CSMD1: variants seen among roughly 807,000 people sequenced by gnomAD.
CSMD1 encodes CUB and Sushi multiple domains 1.
A neutral mutation model predicts 417.5 loss-of-function variants in CSMD1; 213 were observed. The ratio of observed to expected loss-of-function variants is 0.51; its 90% CI spans 0.46 to 0.57. CSMD1 has a LOEUF of 0.57. Among genes scored for constraint, CSMD1 ranks in the 20% least tolerant of loss-of-function variants. The pLI is 0.00. For missense variants in CSMD1, 6,923 were observed against 4,529.7 expected, an observed-to-expected ratio of 1.53 and a Z score of -15.17; for synonymous variants, 2,862 against 1,736.8, an observed-to-expected ratio of 1.65 and a Z score of -16.11.
At chr8:4,937,704 C>G (rs10096103) in intron 1 of CSMD1, among the ~76,000 whole-genome samples, 2 of 151,822 alleles carry the variant, frequency 1.3e-5, no homozygotes, top group East Asian at 3.9e-4. Context: ...GGGGTATGAA[C>G]GATTTCTTGA....
chr8:4,368,573 T>C lies in CSMD1; in HGVS notation c.415+51380A>G, dbSNP rs117365010. 3.2e-3 allele frequency among the ~76,000 whole-genome samples: 481 copies of C among 152,276 alleles called. 24 individuals are homozygous for C. In the East Asian group the frequency reaches 0.08, roughly 25 times the overall value. ...TACTAGCTCTTTTTTGTACATCTGG[T>C]AAAATTCGGCTTTGAATACATTTGG... On this transcript the variant is annotated intron_variant, in intron 3 of 69. Coordinates refer to ENST00000635120, the MANE Select transcript of CSMD1 (RefSeq NM_033225.6).
chr8:4,510,244 C>T (rs1214116982), intron 2 of CSMD1, among the ~76,000 whole-genome samples: 1 of 151,886 alleles, frequency 6.6e-6, no homozygotes, highest in African/African-American at 2.4e-5. Context: ...TCAATTAAAC[C>T]TCTTTCCTTT....
chr8:3,780,327 G>A (rs1205573369), intron 5 of CSMD1, among the ~76,000 whole-genome samples: 1 of 152,194 alleles, frequency 6.6e-6, no homozygotes, highest in Non-Finnish European at 1.5e-5. Flanking sequence ...TGAAATAACA[G>A]TTGTTCGTTA....
intron 54 of CSMD1, among the ~76,000 whole-genome samples, chr8:2,988,300 C>T (rs1055104945): frequency 6.6e-5 from 10 of 152,030 alleles, no homozygotes; most frequent in African/African-American, 2.4e-4. Context: ...ATAAGCATAT[C>T]TGGACACATG....
intron 3 of CSMD1, among the ~76,000 whole-genome samples, chr8:4,079,330 C>A (rs1464971426): frequency 6.6e-6 from 1 of 152,096 alleles, no homozygotes; most frequent in Non-Finnish European, 1.5e-5. Flanking sequence ...TGTCTGCATC[C>A]CTTGGAACGA....
At chr8:4,355,583 G>A (rs191518912) in intron 3 of CSMD1, among the ~76,000 whole-genome samples, 29 of 152,242 alleles carry the variant, frequency 1.9e-4, no homozygotes, top group Admixed American at 3.3e-4. Context: ...CTTGGTGAGG[G>A]ACCAGAGTGT....
intron 5 of CSMD1, among the ~76,000 whole-genome samples, chr8:3,762,078 G>T (rs1374494356): frequency 6.6e-6 from 1 of 152,014 alleles, no homozygotes; most frequent in Non-Finnish European, 1.5e-5. Flanking sequence ...ATAATTTCTA[G>T]TCTCCTGAGC....
intron 37 of CSMD1, among the ~76,000 whole-genome samples, chr8:3,167,943 A>G (rs953579652): frequency 1.4e-4 from 22 of 152,216 alleles, no homozygotes; most frequent in Admixed American, 3.9e-4. Flanking sequence ...TCAAATACTT[A>G]AAACAGGACA....
At chr8:2,976,097 A>G (rs1417900383) in intron 55 of CSMD1, among the ~76,000 whole-genome samples, 1 of 152,204 alleles carries the variant, frequency 6.6e-6, no homozygotes, top group Non-Finnish European at 1.5e-5. Flanking sequence ...TTTGTTAAAT[A>G]AGGCTGAGAA....
Position 4,754,117 on chromosome 8 carries a change from C to G in CSMD1, c.86-116559G>C, listed in dbSNP as rs576310352. ...AATATGAATCGTATGTTACATTAAA[C>G]ATTTATTCTTGGTGGTAGCAATAAA... On this transcript the variant is annotated intron_variant, in intron 1 of 69. Transcript: ENST00000635120. Among the ~76,000 whole-genome samples the G allele has an allele frequency of 2.0e-5, 3 of 152,208 alleles. No homozygotes were observed. The South Asian group carries it at 6.2e-4, about 32-fold the overall frequency.
At chr8:4,182,374 T>C (rs1443492982) in intron 3 of CSMD1, among the ~76,000 whole-genome samples, 1 of 152,154 alleles carries the variant, frequency 6.6e-6, no homozygotes, top group African/African-American at 2.4e-5. Context: ...CCAAAGTATA[T>C]TATCTTTTAA....
chr8:2,972,339 C>T lies in CSMD1; in HGVS notation c.8923+778G>A, dbSNP rs546344483. ...TTATTTGGTTGGAAAGTGTTTCATA[C>T]ATACAACAATACATATTGAATTAAT... is the stretch of plus-strand genomic sequence containing the variant. On this transcript the variant is annotated intron_variant, in intron 57 of 69. Transcript: ENST00000635120. 2.6e-5 allele frequency among the ~76,000 whole-genome samples: 4 copies of T among 152,274 alleles called. No homozygotes were observed. In the East Asian group the frequency reaches 7.7e-4, roughly 29 times the overall value.
At chr8:3,888,558 A>G (rs1585144334) in intron 5 of CSMD1, among the ~76,000 whole-genome samples, 1 of 152,292 alleles carries the variant, frequency 6.6e-6, no homozygotes, top group Admixed American at 6.5e-5. Context: ...TGTATCAAGT[A>G]CCAGCTGGAG....
chr8:3,671,369 C>G (rs1799024561), intron 7 of CSMD1, among the ~76,000 whole-genome samples: 2 of 147,124 alleles, frequency 1.4e-5, no homozygotes, highest in Admixed American at 1.4e-4. Context: ...CATAAATTGC[C>G]TGAAAACTTT....
intron 2 of CSMD1, among the ~76,000 whole-genome samples, chr8:4,636,784 A>C (rs1180608891): frequency 6.6e-6 from 1 of 152,144 alleles, no homozygotes; most frequent in Non-Finnish European, 1.5e-5. Flanking sequence ...TAGTAACTGT[A>C]TTTTTCTTTT....
intron 10 of CSMD1, among the ~76,000 whole-genome samples, chr8:3,497,019 G>T (rs1288149364): frequency 6.6e-6 from 1 of 152,060 alleles, no homozygotes; most frequent in Non-Finnish European, 1.5e-5. Context: ...ATATGATTTA[G>T]ATTTTTAAAA....
At chr8:4,744,739 T>G (rs1049323033) in intron 1 of CSMD1, among the ~76,000 whole-genome samples, 4 of 152,190 alleles carry the variant, frequency 2.6e-5, no homozygotes, top group African/African-American at 9.6e-5. Context: ...TTATACTAAT[T>G]AGTGTATGAA....
chr8:4,112,928 G>A (rs1380175864), intron 3 of CSMD1, among the ~76,000 whole-genome samples: 1 of 152,138 alleles, frequency 6.6e-6, no homozygotes, highest in Non-Finnish European at 1.5e-5. Flanking sequence ...AACAGTAAGT[G>A]CTCACTTCAT....
chr8:3,493,293 C>CAAA (rs752935476), intron 11 of CSMD1, among the ~76,000 whole-genome samples: 1 of 90,556 alleles, frequency 1.1e-5, no homozygotes, highest in African/African-American at 4.4e-5. Context: ...GAACCTGTCT[C>CAAA]AAAAAAAAAA....
Sources: allele counts gnomAD v4.1 joint callset (sites outside exome capture counted in the v4.1 genomes callset), GRCh38; gene constraint gnomAD v4.1.1; transcripts MANE v1.5; gene names NCBI Gene and HGNC (gene_info 2026-07-23, HGNC 2026-07-21).